The following SCHIP1 variants were observed in gnomAD, a reference collection of about 807,000 sequenced individuals.
SCHIP1 encodes the protein schwannomin-interacting protein 1.
A neutral mutation model predicts 29.7 loss-of-function variants in SCHIP1; 8 were observed. The observed-to-expected ratio is 0.27, with a 90% CI of 0.16 to 0.49. The LOEUF is 0.49. Ranked by LOEUF, SCHIP1 falls within the 20% of genes least tolerant of loss-of-function variation. The pLI is 0.99. For missense variants in SCHIP1, 193 were observed against 294.6 expected (o/e 0.66, Z 2.52); for synonymous variants, 76 against 94.9 (o/e 0.80, Z 1.16).
chr3:159,347,101 A>G, the SCHIP1 span, among the ~76,000 whole-genome samples: 2 of 152,172 alleles, frequency 1.3e-5, no homozygotes, highest in Non-Finnish European at 2.9e-5. Flanking sequence ...CCACAAATAT[A>G]TATGCTTCAT....
At chr3:159,428,606 A>C in the SCHIP1 span, among the ~76,000 whole-genome samples, 10 of 150,952 alleles carry the variant, frequency 6.6e-5, no homozygotes, top group South Asian at 6.3e-4. Flanking sequence ...TGGGACTGTA[A>C]ACTAGTTCAA....
the SCHIP1 span, among the ~76,000 whole-genome samples, chr3:159,679,559 T>C: frequency 3.9e-5 from 6 of 152,212 alleles, no homozygotes; most frequent in Admixed American, 6.5e-5. Flanking sequence ...TCTGGCCTTG[T>C]CATGAGTAAA....
chr3:159,520,096 TA>T, the SCHIP1 span, among the ~76,000 whole-genome samples: 15,810 of 83,178 alleles, frequency 0.19, 849 homozygotes, highest in African/African-American at 0.24. Flanking sequence ...CCTCATCAAA[TA>T]AAAAAAAAAA....
chr3:159,582,515 T>A, the SCHIP1 span, among the ~76,000 whole-genome samples: 12 of 152,260 alleles, frequency 7.9e-5, no homozygotes, highest in East Asian at 9.6e-4. Context: ...GTATTTTTTT[T>A]AATAATTTTA....
At chr3:159,746,560 T>C in the SCHIP1 span, among the ~76,000 whole-genome samples, 6 of 152,144 alleles carry the variant, frequency 3.9e-5, no homozygotes, top group African/African-American at 1.4e-4. Context: ...TAGTTTTTTT[T>C]CAACATCAGT....
chr3:159,401,821 AT>A, the SCHIP1 span, among the ~76,000 whole-genome samples: 1 of 152,174 alleles, frequency 6.6e-6, no homozygotes, highest in African/African-American at 2.4e-5. Flanking sequence ...TCTTGAATTA[AT>A]TTTTGTATAA....
the SCHIP1 span, among the ~76,000 whole-genome samples, chr3:159,289,210 A>C: frequency 6.6e-6 from 1 of 152,134 alleles, no homozygotes; most frequent in Non-Finnish European, 1.5e-5. Flanking sequence ...AATCTCCACA[A>C]AGCACCCAGT....
At chr3:159,787,787 G>C in the SCHIP1 span, among the ~76,000 whole-genome samples, 1 of 152,140 alleles carries the variant, frequency 6.6e-6, no homozygotes, top group East Asian at 1.9e-4. Context: ...AACAGGACTG[G>C]CTACTGAGTT....
chr3:159,402,648 G>A, the SCHIP1 span, among the ~76,000 whole-genome samples: 6 of 152,108 alleles, frequency 3.9e-5, no homozygotes, highest in African/African-American at 1.4e-4. Flanking sequence ...GGATGAAACT[G>A]GAAACCATCA....
At chr3:159,766,233 C>T in the SCHIP1 span, among the ~76,000 whole-genome samples, 1 of 152,036 alleles carries the variant, frequency 6.6e-6, no homozygotes, top group Admixed American at 6.6e-5. Flanking sequence ...ACACCAGGAC[C>T]CCGGGGCTCC....
the SCHIP1 span, among the ~76,000 whole-genome samples, chr3:159,415,289 T>C: frequency 6.6e-6 from 1 of 152,192 alleles, no homozygotes; most frequent in Non-Finnish European, 1.5e-5. Context: ...AATGCATTGC[T>C]GGATATTTTG....
the SCHIP1 span, among the ~76,000 whole-genome samples, chr3:159,829,076 G>A: frequency 6.6e-6 from 1 of 152,178 alleles, no homozygotes; most frequent in African/African-American, 2.4e-5. Flanking sequence ...ACGAAACGAT[G>A]TAGACTTCAC....
chr3:159,794,342 T>C, the SCHIP1 span, among the ~76,000 whole-genome samples: 1 of 152,178 alleles, frequency 6.6e-6, no homozygotes, highest in Non-Finnish European at 1.5e-5. Flanking sequence ...AGGCTGCCAA[T>C]TTTTAGATTT....
At chr3:159,847,168 A>G (rs1490697453) in intron 1 of SCHIP1, among the ~76,000 whole-genome samples, 1 of 152,162 alleles carries the variant, frequency 6.6e-6, no homozygotes, top group African/African-American at 2.4e-5. Flanking sequence ...GGGGGTGGGA[A>G]GGAAATGGGG....
the SCHIP1 span, among the ~76,000 whole-genome samples, chr3:159,652,297 T>C: frequency 6.6e-6 from 1 of 152,210 alleles, no homozygotes; most frequent in African/African-American, 2.4e-5. Context: ...GCTACACTTA[T>C]TATTTCTTGG....
the SCHIP1 span, among the ~76,000 whole-genome samples, chr3:159,323,713 T>A: frequency 6.6e-6 from 1 of 152,184 alleles, no homozygotes; most frequent in South Asian, 2.1e-4. Context: ...CTTGCTGTAG[T>A]AAGGAATCAG....
the SCHIP1 span, among the ~76,000 whole-genome samples, chr3:159,493,218 A>G: frequency 6.6e-6 from 1 of 152,238 alleles, no homozygotes. Flanking sequence ...ACCAGCTAAC[A>G]TCATAATGAC....
chr3:159,637,875 T>A, the SCHIP1 span, among the ~76,000 whole-genome samples: 1 of 152,152 alleles, frequency 6.6e-6, no homozygotes, highest in Non-Finnish European at 1.5e-5. Flanking sequence ...AGAGGGTAAA[T>A]AAAATACTAA....
the SCHIP1 span, among the ~76,000 whole-genome samples, chr3:159,453,896 T>C: frequency 6.6e-6 from 1 of 152,194 alleles, no homozygotes; most frequent in Admixed American, 6.5e-5. Context: ...GCTCCTACTC[T>C]GCAGTGGCCC....
Sources: gnomAD v4.1 joint callset for allele counts (sites outside exome capture counted in the v4.1 genomes callset) on GRCh38, gnomAD v4.1.1 for gene constraint, MANE v1.5 for transcripts, NCBI Gene and HGNC (gene_info 2026-07-23, HGNC 2026-07-21) for gene names.